PTPRD: variants seen among roughly 807,000 people sequenced by gnomAD.
PTPRD encodes the protein protein tyrosine phosphatase receptor type D, also known as receptor-type tyrosine-protein phosphatase delta.
In PTPRD, 34 loss-of-function variants were observed where a neutral mutation model predicts 214.5. That is an observed-to-expected ratio of 0.16 (90% CI 0.12 to 0.21). The LOEUF (loss-of-function observed/expected upper bound fraction) is 0.21. Ranked by LOEUF, PTPRD falls within the 10% of genes least tolerant of loss-of-function variation. PTPRD has a pLI of 1.00. For missense variants in PTPRD, 2,545 were observed against 2,398.7 expected, an observed-to-expected ratio of 1.06 and a Z score of -1.27; for synonymous variants, 1,128 against 845.7, an observed-to-expected ratio of 1.33 and a Z score of -5.79.
chr9:9,864,574 A>G (rs2063527880), intron 5 of PTPRD, among the ~76,000 whole-genome samples: 1 of 152,118 alleles, frequency 6.6e-6, no homozygotes, highest in African/African-American at 2.4e-5. Flanking sequence ...ACTGGAGTGC[A>G]GTGGCATGAA....
At chr9:9,222,034 A>G (rs2099956421) in intron 9 of PTPRD, among the ~76,000 whole-genome samples, 2 of 152,106 alleles carry the variant, frequency 1.3e-5, no homozygotes, top group Admixed American at 1.3e-4. Flanking sequence ...GCAAGGGTTA[A>G]TTTTGTCCAT....
chr9:8,867,192 C>T (rs931943724), intron 11 of PTPRD, among the ~76,000 whole-genome samples: 2 of 152,132 alleles, frequency 1.3e-5, no homozygotes, highest in Non-Finnish European at 2.9e-5. Flanking sequence ...TCTCTTTCTT[C>T]CTTCTTTCTT....
intron 9 of PTPRD, among the ~76,000 whole-genome samples, chr9:9,322,101 T>A (rs189685902): frequency 6.6e-6 from 1 of 152,296 alleles, no homozygotes; most frequent in Non-Finnish European, 1.5e-5. Flanking sequence ...AGGCTCTAAG[T>A]GTACAGGCAA....
intron 43 of PTPRD, among the ~76,000 whole-genome samples, chr9:8,333,683 A>G (rs1024564358): frequency 6.6e-6 from 1 of 152,160 alleles, no homozygotes; most frequent in Non-Finnish European, 1.5e-5. Flanking sequence ...ATAATGACAG[A>G]ATCAAATTTG....
chr9:10,038,969 T>C (rs1395112684), intron 3 of PTPRD, among the ~76,000 whole-genome samples: 1 of 152,022 alleles, frequency 6.6e-6, no homozygotes, highest in Non-Finnish European at 1.5e-5. Context: ...CCAAACACTT[T>C]ATTCTTTTGT....
intron 11 of PTPRD, among the ~76,000 whole-genome samples, chr9:8,995,679 G>C (rs2099393952): frequency 1.3e-5 from 2 of 152,050 alleles, no homozygotes; most frequent in Non-Finnish European, 2.9e-5. Flanking sequence ...AGTGCCACTG[G>C]CTTCTGCTTT....
intron 11 of PTPRD, among the ~76,000 whole-genome samples, chr9:8,982,549 A>G (rs2099318237): frequency 6.6e-6 from 1 of 151,770 alleles, no homozygotes; most frequent in South Asian, 2.1e-4. Context: ...CTTAAAAAAA[A>G]AAAAAGAGAA....
intron 3 of PTPRD, among the ~76,000 whole-genome samples, chr9:10,189,022 T>A (rs1230336012): frequency 6.6e-6 from 1 of 152,170 alleles, no homozygotes; most frequent in Non-Finnish European, 1.5e-5. Flanking sequence ...ACTTTTTTTT[T>A]TTCTGTCCTG....
At chr9:10,340,093 T>C (rs2096911290) in intron 3 of PTPRD, among the ~76,000 whole-genome samples, 2 of 151,850 alleles carry the variant, frequency 1.3e-5, no homozygotes, top group South Asian at 4.1e-4. Flanking sequence ...AAATGCTAAT[T>C]ACTTGTTCAA....
At chr9:9,254,041 G>A (rs1220760858) in intron 9 of PTPRD, among the ~76,000 whole-genome samples, 3 of 151,998 alleles carry the variant, frequency 2.0e-5, no homozygotes, top group Non-Finnish European at 4.4e-5. Flanking sequence ...TCTCCTATAA[G>A]GATACCTATC....
At chr9:9,339,142 A>G (rs2045768665) in intron 9 of PTPRD, among the ~76,000 whole-genome samples, 1 of 152,088 alleles carries the variant, frequency 6.6e-6, no homozygotes, top group Non-Finnish European at 1.5e-5. Flanking sequence ...CTGAAAATCA[A>G]CTGAAAAGAA....
At chr9:9,266,585 A>G (rs1330995607) in intron 9 of PTPRD, among the ~76,000 whole-genome samples, 1 of 151,342 alleles carries the variant, frequency 6.6e-6, no homozygotes. Flanking sequence ...CTAGGTATCA[A>G]TAAGTGAATA....
At chr9:8,894,145 G>A (rs1408400006) in intron 11 of PTPRD, among the ~76,000 whole-genome samples, 4 of 152,080 alleles carry the variant, frequency 2.6e-5, no homozygotes, top group African/African-American at 9.7e-5. Flanking sequence ...CCTGAGGTCA[G>A]GAGTTTGAGA....
chr9:9,980,638 A>C (rs1419143543), intron 4 of PTPRD, among the ~76,000 whole-genome samples: 1 of 138,482 alleles, frequency 7.2e-6, no homozygotes, highest in East Asian at 2.0e-4. Context: ...AAAAAAACAA[A>C]AAAAAAAACC....
chr9:8,935,876 T>C (rs2098993442), intron 11 of PTPRD, among the ~76,000 whole-genome samples: 1 of 152,178 alleles, frequency 6.6e-6, no homozygotes. Context: ...ACATCACCAA[T>C]TTGAAAAAGA....
chr9:10,125,146 T>C (rs1424794192), intron 3 of PTPRD, among the ~76,000 whole-genome samples: 3 of 152,128 alleles, frequency 2.0e-5, no homozygotes, highest in African/African-American at 7.2e-5. Flanking sequence ...TTGATTTGAA[T>C]AAAAGTAGGA....
At chr9:10,163,929 T>A (rs987718833) in intron 3 of PTPRD, among the ~76,000 whole-genome samples, 1 of 151,524 alleles carries the variant, frequency 6.6e-6, no homozygotes, top group African/African-American at 2.4e-5. Context: ...TTTTGCCATT[T>A]ATTTTCACAA....
intron 3 of PTPRD, among the ~76,000 whole-genome samples, chr9:10,232,117 T>C (rs1452476089): frequency 6.6e-6 from 1 of 151,454 alleles, no homozygotes; most frequent in Non-Finnish European, 1.5e-5. Context: ...CCTTCTATCA[T>C]ATTTTGCCCT....
intron 10 of PTPRD, among the ~76,000 whole-genome samples, chr9:9,046,344 G>A (rs542901475): frequency 6.6e-6 from 1 of 152,268 alleles, no homozygotes; most frequent in African/African-American, 2.4e-5. Flanking sequence ...AGGTTAAAGT[G>A]GAAGATGTGG....
Sources: allele counts gnomAD v4.1 joint callset (sites outside exome capture counted in the v4.1 genomes callset), GRCh38; gene constraint gnomAD v4.1.1; transcripts MANE v1.5; gene names NCBI Gene and HGNC (gene_info 2026-07-23, HGNC 2026-07-21).